The following SMARCA2 variants were observed in gnomAD, a reference collection of about 807,000 sequenced individuals.
SMARCA2 encodes SWI/SNF related BAF chromatin remodeling complex subunit ATPase 2, also known as SWI/SNF-related matrix-associated actin-dependent regulator of chromatin subfamily A member 2.
Under a neutral mutation model 199.8 loss-of-function variants are expected in SMARCA2, and 61 were observed. The observed-to-expected ratio is 0.31, with a 90% CI of 0.25 to 0.38. SMARCA2 has a LOEUF of 0.38. SMARCA2 is among the 10% of genes least tolerant of loss of function. The pLI, the probability that SMARCA2 is intolerant of heterozygous loss-of-function variation, is 1.00. For synonymous variants in SMARCA2, 935 were observed against 732.0 expected (o/e 1.28, Z -4.48); for missense variants, 1,344 against 2,012.2 (o/e 0.67, Z 6.35).
rs993564907 is a variant in SMARCA2, at chr9:2,077,824, T to G, written c.2184+48T>G. ...CCTTGGCAAGTTGTAACCATTTACC[T>G]AATTTTGATTGAAGTATGTCGTGCA... On this transcript the variant is annotated intron_variant, in intron 14 of 33. Coordinates refer to ENST00000349721, the MANE Select transcript of SMARCA2 (RefSeq NM_003070.5). The G allele has an allele frequency of 1.6e-5, 25 of 1,535,724 alleles. No homozygotes were observed. In the Admixed American group the frequency reaches 1.9e-4, roughly 12 times the overall value.
At chr9:2,078,975 T>C (rs1241929104) in intron 14 of SMARCA2, among the ~76,000 whole-genome samples, 3 of 151,784 alleles carry the variant, frequency 2.0e-5, no homozygotes, top group Admixed American at 1.3e-4. Flanking sequence ...AAAATAAAAA[T>C]AGATAAATAA....
Position 2,109,151 on chromosome 9 carries a change from A to G in SMARCA2, c.3293-1103A>G, listed in dbSNP as rs575862169. Among the ~76,000 whole-genome samples the G allele has an allele frequency of 2.0e-5, 3 of 152,338 alleles. No homozygotes were observed. The South Asian group carries it at 6.2e-4, about 32-fold the overall frequency. The stretch of plus-strand genomic sequence containing the variant: ...CACTTAAATGTTTTAATCCTCTGAA[A>G]TAAATTGCTGGTATGTTTTCATCCT... On this transcript the variant is annotated intron_variant, in intron 23 of 33. Transcript: ENST00000349721.
At chr9:2,120,578 C>T (rs1226190880) in intron 26 of SMARCA2, among the ~76,000 whole-genome samples, 2 of 152,164 alleles carry the variant, frequency 1.3e-5, no homozygotes, top group African/African-American at 4.8e-5. Context: ...GCAATCTCCA[C>T]CTTTTTAGCC....
intron 6 of SMARCA2, chr9:2,055,448 TCA>T (rs1820309090): frequency 1.3e-5 from 2 of 152,240 alleles, no homozygotes; most frequent in African/African-American, 4.8e-5. Context: ...GCAGATTGCC[TCA>T]CTAACCCAAA....
chr9:2,187,911 C>A (rs1347451141), intron 32 of SMARCA2, among the ~76,000 whole-genome samples: 3 of 151,702 alleles, frequency 2.0e-5, no homozygotes, highest in Non-Finnish European at 4.4e-5. Flanking sequence ...ATAATAAGTA[C>A]AAAAATCATG....
intron 12 of SMARCA2, among the ~76,000 whole-genome samples, chr9:2,074,437 C>T (rs754071093): frequency 4.6e-5 from 7 of 152,158 alleles, no homozygotes; most frequent in Non-Finnish European, 7.3e-5. Flanking sequence ...TAATAGCTTA[C>T]CAGGGTCTCA....
chr9:2,141,894 C>T lies in SMARCA2; in HGVS notation c.3981+17957C>T, dbSNP rs185332443. On this transcript the variant is annotated intron_variant, in intron 27 of 33. Coordinates refer to ENST00000349721, the MANE Select transcript of SMARCA2 (RefSeq NM_003070.5). ...GCCTCTTCTTGAAAAGGTGCAGGAG[C>T]GCGTCAGATCAGCAACAGGTGGTCT... 3.3e-3 allele frequency among the ~76,000 whole-genome samples: 502 copies of T among 152,228 alleles called. 3 individuals carry two copies. Among genetic ancestry groups the T allele is most frequent in the Non-Finnish European group, 3.7e-3 (250 of 67,992 alleles).
intron 4 of SMARCA2, chr9:2,045,798 A>G (rs540002857): frequency 6.7e-6 from 1 of 149,966 alleles, no homozygotes; most frequent in East Asian, 2.0e-4. Context: ...TAATTTTAGA[A>G]GGAGGGGAAA....
chr9:2,087,942 T>C lies in SMARCA2; in HGVS notation c.2770-558T>C, dbSNP rs114980919. 4.6e-3 allele frequency among the ~76,000 whole-genome samples: 701 copies of C among 152,256 alleles called. 7 individuals are homozygous for C. Among genetic ancestry groups the C allele is most frequent in the African/African-American group, 0.016 (673 of 41,554 alleles). On this transcript the variant is annotated intron_variant, in intron 18 of 33. Transcript: ENST00000349721. ...AGAGAAAGCCGGGAAATGTATAAGA[T>C]GGACTAAACTTGAACTAGATAGGGC...
chr9:2,054,527 T>C, intron 5 of SMARCA2, 70 bp from the exon 6 acceptor site: 2 of 1,557,740 alleles, frequency 1.3e-6, no homozygotes, highest in Non-Finnish European at 1.8e-6. Context: ...TGTCATTGTT[T>C]ATCATTTAAG....
At chr9:2,175,337 A>C (rs1338203065) in intron 29 of SMARCA2, among the ~76,000 whole-genome samples, 1 of 143,660 alleles carries the variant, frequency 7.0e-6, no homozygotes, top group Non-Finnish European at 1.5e-5. Context: ...ACACAAAAAC[A>C]CTCTCTGGAT....
chr9:2,058,112 C>G, intron 7 of SMARCA2, 179 bp from the exon 8 acceptor site: 1 of 586,934 alleles, frequency 1.7e-6, no homozygotes, highest in African/African-American at 1.8e-5. Flanking sequence ...ATCTTTCCCA[C>G]CAGCCCCATG....
intron 15 of SMARCA2, 95 bp from the exon 16 acceptor site, chr9:2,083,252 C>A: frequency 1.4e-6 from 1 of 736,568 alleles, no homozygotes; most frequent in Non-Finnish European, 2.2e-6. Flanking sequence ...TAGCCCCTTT[C>A]AAGGTGAGGC....
intron 26 of SMARCA2, among the ~76,000 whole-genome samples, chr9:2,122,341 A>C (rs1294630586): frequency 6.6e-6 from 1 of 151,112 alleles, no homozygotes; most frequent in African/African-American, 2.4e-5. Context: ...TTTTTTTCTT[A>C]TTAGCTCTCT....
At chr9:2,090,740 C>T (rs1822018149) in intron 19 of SMARCA2, among the ~76,000 whole-genome samples, 1 of 152,140 alleles carries the variant, frequency 6.6e-6, no homozygotes, top group Non-Finnish European at 1.5e-5. Context: ...TGCTCTCCTT[C>T]CGGTAGCCCC....
At chr9:2,020,932 T>A (rs968081292) in intron 1 of SMARCA2, among the ~76,000 whole-genome samples, 5 of 152,204 alleles carry the variant, frequency 3.3e-5, no homozygotes, top group African/African-American at 1.2e-4. Context: ...CTTCTGGACT[T>A]CTGGGTTTGT....
At chr9:2,166,132 A>T (rs1203194255) in intron 28 of SMARCA2, among the ~76,000 whole-genome samples, 2 of 152,254 alleles carry the variant, frequency 1.3e-5, no homozygotes, top group Non-Finnish European at 2.9e-5. Context: ...TTTAAAATGT[A>T]TCAACAAGCA....
chr9:2,162,697 C>T (rs191809588), intron 28 of SMARCA2: 1 of 152,124 alleles, frequency 6.6e-6, no homozygotes, highest in Non-Finnish European at 1.5e-5. Flanking sequence ...CAGACATTTT[C>T]ACTCTCTCAG....
At chr9:2,105,704 T>C (rs2130562178) in intron 23 of SMARCA2, among the ~76,000 whole-genome samples, 1 of 152,326 alleles carries the variant, frequency 6.6e-6, no homozygotes, top group African/African-American at 2.4e-5. Flanking sequence ...GATCCCTGCC[T>C]CCGGAAAGTG....
Sources: gnomAD v4.1 joint callset for allele counts (sites outside exome capture counted in the v4.1 genomes callset) on GRCh38, gnomAD v4.1.1 for gene constraint, MANE v1.5 for transcripts, NCBI Gene and HGNC (gene_info 2026-07-23, HGNC 2026-07-21) for gene names.